The following PRPH2 variants were observed in gnomAD, a reference collection of about 807,000 sequenced individuals.
PRPH2 encodes peripherin-2.
Under a neutral mutation model 31.3 loss-of-function variants are expected in PRPH2, and 17 were observed. That is an observed-to-expected ratio of 0.54 (90% CI 0.37 to 0.81). PRPH2 has a LOEUF of 0.81. Ranked by LOEUF, PRPH2 falls within the 40% of genes least tolerant of loss-of-function variation. PRPH2 has a pLI of 0.00. For missense variants in PRPH2, 430 were observed against 439.7 expected, an observed-to-expected ratio of 0.98 and a Z score of 0.20; for synonymous variants, 165 against 184.4, an observed-to-expected ratio of 0.89 and a Z score of 0.85.
intron 2 of PRPH2, among the ~76,000 whole-genome samples, chr6:42,703,286 G>A (rs556141469): frequency 3.9e-5 from 6 of 152,108 alleles, no homozygotes; most frequent in Non-Finnish European, 8.8e-5. Context: ...CACACTCACC[G>A]AGGATTTGCT....
intron 1 of PRPH2, among the ~76,000 whole-genome samples, chr6:42,718,790 C>T (rs966813405): frequency 1.3e-5 from 2 of 151,554 alleles, no homozygotes; most frequent in Admixed American, 1.3e-4. Context: ...GTAGCTAGGA[C>T]CACAGGTGCA....
chr6:42,701,660 G>A (rs1362378302), intron 2 of PRPH2, among the ~76,000 whole-genome samples: 1 of 135,458 alleles, frequency 7.4e-6, no homozygotes, highest in African/African-American at 2.7e-5. Context: ...GAGACTATAG[G>A]CATGCGCCAC....
At chr6:42,704,306 G>C (rs1286672570) in intron 2 of PRPH2, 59 bp downstream of exon 2, 1 of 1,575,112 alleles carries the variant, frequency 6.3e-7, no homozygotes, top group Non-Finnish European at 8.6e-7. Flanking sequence ...GCCCCCATTA[G>C]ACCCAAATGG....
intron 1 of PRPH2, among the ~76,000 whole-genome samples, chr6:42,705,598 AAATATATATATAT>A (rs1225471684): frequency 1.1e-4 from 1 of 8,920 alleles, no homozygotes; most frequent in African/African-American, 5.4e-4. Context: ...AAAAAAAAAA[AAATATATATATAT>A]ATATATATAT....
Position 42,698,000 on chromosome 6 carries a change from A to G in PRPH2, c.*295T>C. The G allele has an allele frequency of 2.3e-6, 1 of 441,796 alleles. No individual in the cohort carries two copies. The highest frequency in any genetic ancestry group is 4.2e-6 in the Non-Finnish European group (1 of 239,182). 27.4% of individuals were successfully genotyped at this position (441,796 alleles called of 1,614,324 possible). On this transcript the variant is annotated 3_prime_UTR_variant, in exon 3 of 3. Transcript: ENST00000230381. Reference sequence around the variant, plus strand: ...GTGTGAGAAAGATGGGTCCTGGGCTAGTCGTCTGAGACAGCCCCCGAGTCA... The same window carrying G: ...GTGTGAGAAAGATGGGTCCTGGGCTGGTCGTCTGAGACAGCCCCCGAGTCA...
intron 2 of PRPH2, among the ~76,000 whole-genome samples, chr6:42,701,562 G>A (rs1242300405): frequency 2.0e-5 from 3 of 151,854 alleles, no homozygotes; most frequent in East Asian, 3.9e-4. Flanking sequence ...GTGAGCCACC[G>A]CTCCTGGCTC....
At chr6:42,702,243 A>G (rs1800059859) in intron 2 of PRPH2, among the ~76,000 whole-genome samples, 2 of 141,346 alleles carry the variant, frequency 1.4e-5, no homozygotes, top group Non-Finnish European at 3.1e-5. Flanking sequence ...ACTCTGTCTT[A>G]AAAAAAAAAA....
chr6:42,719,185 TTGAGA>T (rs1173270564), intron 1 of PRPH2, among the ~76,000 whole-genome samples: 1 of 147,740 alleles, frequency 6.8e-6, no homozygotes, highest in Non-Finnish European at 1.5e-5. Flanking sequence ...TTTTTTTTCT[TTGAGA>T]TCGAGTCTCA....
intron 1 of PRPH2, chr6:42,711,867 G>T: frequency 1.0e-6 from 1 of 985,356 alleles, no homozygotes; most frequent in Non-Finnish European, 1.2e-6. Context: ...GTAGTTCCTG[G>T]TTCCAAAATG....
rs555392910 is a variant in PRPH2 at position 42,714,660 on chromosome 6, GCA to G, written c.581+7092_581+7093del. Among the ~76,000 whole-genome samples the G allele has an allele frequency of 2.2e-4, 33 of 152,182 alleles. No homozygotes were observed. In the South Asian group the frequency reaches 6.6e-3, roughly 31 times the overall value. On this transcript the variant is annotated intron_variant, in intron 1 of 2. Transcript: ENST00000230381. ...GCCTCCCAAGTAGCTGAGACTATAG[GCA>G]CACACCACCACACCTAGCTAATTTT...
intron 2 of PRPH2, among the ~76,000 whole-genome samples, chr6:42,699,098 G>A (rs1415334737): frequency 6.7e-6 from 1 of 148,812 alleles, no homozygotes; most frequent in Admixed American, 6.8e-5. Context: ...TGTCACCCAT[G>A]CTGGAGTGCA....
In PRPH2 at chr6:42,701,682, ATTTTTT is replaced by A. The variant is rs70990127; in HGVS notation, c.828+2677_828+2682del. 3.3e-3 allele frequency among the ~76,000 whole-genome samples: 256 copies of A among 78,516 alleles called. 1 individual carries two copies. The highest frequency in any genetic ancestry group is 0.011 in the African/African-American group (224 of 20,048). 51.5% of individuals were successfully genotyped at this position (78,516 alleles called of 152,430 possible). A position where few individuals can be genotyped will look rare whatever the true frequency, so the allele number is the denominator to read the frequency against. On this transcript the variant is annotated intron_variant, in intron 2 of 2. Coordinates refer to ENST00000230381, the MANE Select transcript of PRPH2 (RefSeq NM_000322.5). ...TAGGCATGCGCCACCACGTCCAGCA[ATTTTTT>A]TTTTTTTTTTTTTTTTTTTTTAGTA...
Position 42,697,397 on chromosome 6 carries a change from G to T in PRPH2, c.*898C>A, listed in dbSNP as rs3176988. 34,430 of 152,054 alleles carry T rather than the reference G, an allele frequency of 0.23. 3,953 individuals carry two copies. Among genetic ancestry groups the T allele is most frequent in the Middle Eastern group, 0.26 (75 of 292 alleles). The allele number at this position is 152,054 out of a possible 1,614,324, so 9.4% of individuals were successfully genotyped here. Reference sequence around the variant, plus strand: ...GATGGCCACCTGTGTGGGTGTCCCTGGGCCCACCAAGAGCTGAGGCCTGGT... The same window carrying T: ...GATGGCCACCTGTGTGGGTGTCCCTTGGCCCACCAAGAGCTGAGGCCTGGT... On this transcript the variant is annotated 3_prime_UTR_variant, in exon 3 of 3. Coordinates refer to ENST00000230381, the MANE Select transcript of PRPH2 (RefSeq NM_000322.5).
rs1491488465 is a variant in PRPH2, at chr6:42,697,809, TTA to T, written c.*484_*485del. The T allele has an allele frequency of 1.6e-5, 1 of 63,346 alleles. No homozygotes were observed. The highest frequency in any genetic ancestry group is 3.6e-5 in the Non-Finnish European group (1 of 27,418). The allele number at this position is 63,346 out of a possible 1,614,324, so 3.9% of individuals were successfully genotyped here. A position where few individuals can be genotyped will look rare whatever the true frequency, so the allele number is the denominator to read the frequency against. On this transcript the variant is annotated 3_prime_UTR_variant, in exon 3 of 3. Coordinates refer to ENST00000230381, the MANE Select transcript of PRPH2 (RefSeq NM_000322.5). Reference sequence around the variant, plus strand: ...AACGGCCAACCTGTCAATCTTGGCATTAAAAAAAAAAAAAAAAGACAACATGG... The same window carrying T: ...AACGGCCAACCTGTCAATCTTGGCATAAAAAAAAAAAAAAAGACAACATGG...
chr6:42,698,777 C>T (rs1396837551), intron 2 of PRPH2, among the ~76,000 whole-genome samples: 1 of 152,142 alleles, frequency 6.6e-6, no homozygotes, highest in East Asian at 1.9e-4. Context: ...CCTACTTTCT[C>T]CCCTCTAGGT....
At chr6:42,712,431 A>T (rs1430848509) in intron 1 of PRPH2, among the ~76,000 whole-genome samples, 7 of 152,204 alleles carry the variant, frequency 4.6e-5, no homozygotes, top group Admixed American at 1.3e-4. Context: ...AAAACAACTA[A>T]AGCCTCTTTA....
At chr6:42,704,848 T>C (rs760241472) in intron 1 of PRPH2, among the ~76,000 whole-genome samples, 7 of 152,216 alleles carry the variant, frequency 4.6e-5, no homozygotes, top group Non-Finnish European at 1.0e-4. Flanking sequence ...CCCAAGTCAA[T>C]AGGGAGTATA....
chr6:42,712,598 A>G lies in PRPH2; in HGVS notation c.582-7987T>C, dbSNP rs115881532. Among the ~76,000 whole-genome samples the G allele has an allele frequency of 6.3e-3, 956 of 152,192 alleles. 12 individuals are homozygous for G. Among genetic ancestry groups the G allele is most frequent in the African/African-American group, 0.022 (916 of 41,534 alleles). On this transcript the variant is annotated intron_variant, in intron 1 of 2. Coordinates refer to ENST00000230381, the MANE Select transcript of PRPH2 (RefSeq NM_000322.5). ...TTTGTTCCTAGGTGATGGCTAGGTG[A>G]TAGGGACGGGGTTTCACCATGTTGG...
In PRPH2 at chr6:42,698,278, G is replaced by A. The variant is rs1204106943; in HGVS notation, c.*17C>T. 1 of 1,613,268 alleles carries A rather than the reference G, an allele frequency of 6.2e-7. No individual in the cohort carries two copies. Among genetic ancestry groups the A allele is most frequent in the Non-Finnish European group, 8.5e-7 (1 of 1,179,828 alleles). On this transcript the variant is annotated 3_prime_UTR_variant, in exon 3 of 3. Coordinates refer to ENST00000230381, the MANE Select transcript of PRPH2 (RefSeq NM_000322.5). ...CACTATTTCTCAGTGTTCGGGAGGG[G>A]AGGGGCCCCAGGGCCCTCAGCCAGC...
Sources: gnomAD v4.1 joint callset for allele counts (sites outside exome capture counted in the v4.1 genomes callset) on GRCh38, gnomAD v4.1.1 for gene constraint, MANE v1.5 for transcripts, NCBI Gene and HGNC (gene_info 2026-07-23, HGNC 2026-07-21) for gene names.